Variants in EPG5 observed in about 807,000 individuals in gnomAD.
EPG5 encodes ectopic P-granules 5 autophagy tethering factor, also known as ectopic P granules protein 5 homolog.
A neutral mutation model predicts 302.7 loss-of-function variants in EPG5; 159 were observed. The observed-to-expected ratio is 0.53, with a 90% CI of 0.46 to 0.60. The LOEUF is 0.60. Ranked by LOEUF, EPG5 falls within the 20% of genes least tolerant of loss-of-function variation. The pLI is 0.00. For synonymous variants in EPG5, 1,158 were observed against 1,136.8 expected, an observed-to-expected ratio of 1.02 and a Z score of -0.37; for missense variants, 2,896 against 3,092.4, an observed-to-expected ratio of 0.94 and a Z score of 1.51.
chr18:45,903,943 T>C (rs371127839), intron 25 of EPG5, 30 bp downstream of exon 25: 1 of 1,579,096 alleles, frequency 6.3e-7, no homozygotes, highest in Non-Finnish European at 8.6e-7. Flanking sequence ...CATTCACTCA[T>C]TCGAAGGGGC....
chr18:45,823,965 T>C, the EPG5 span, among the ~76,000 whole-genome samples: 5,232 of 152,174 alleles, frequency 0.034, 307 homozygotes, highest in African/African-American at 0.12. Flanking sequence ...AGGAGAGGAA[T>C]GATAAACAAG....
chr18:45,950,616 A>C (rs181294905), intron 4 of EPG5, among the ~76,000 whole-genome samples: 1 of 152,308 alleles, frequency 6.6e-6, no homozygotes. Context: ...AAAAAGGACT[A>C]ATACATTTGG....
chr18:45,933,900 T>C (rs2050457239), intron 11 of EPG5, among the ~76,000 whole-genome samples: 1 of 152,158 alleles, frequency 6.6e-6, no homozygotes, highest in African/African-American at 2.4e-5. Context: ...GTAAATTGTC[T>C]ATCTTTTTTA....
At chr18:45,843,448 A>C (rs1367301528), downstream of EPG5, 2 of 152,272 alleles carry the variant, frequency 1.3e-5, no homozygotes, top group Non-Finnish European at 2.9e-5. Context: ...ATCTCACCCC[A>C]GTTACAATGG....
At chr18:45,819,854 C>A in the EPG5 span, among the ~76,000 whole-genome samples, 16 of 152,172 alleles carry the variant, frequency 1.1e-4, no homozygotes, top group Non-Finnish European at 1.9e-4. Flanking sequence ...AAAGATCATG[C>A]TGCATTTTCC....
chr18:45,879,287 G>T, intron 32 of EPG5, 73 bp from the exon 33 acceptor site: 1 of 1,066,170 alleles, frequency 9.4e-7, no homozygotes, highest in Admixed American at 2.1e-5. Flanking sequence ...ACACTGTGAT[G>T]GGGGTGTATA....
At chr18:45,859,358 T>C (rs983152277) in intron 40 of EPG5, among the ~76,000 whole-genome samples, 1 of 152,178 alleles carries the variant, frequency 6.6e-6, no homozygotes, top group Non-Finnish European at 1.5e-5. Context: ...CATGGTGACA[T>C]GCACACCACC....
chr18:45,905,253 T>C (rs1398428420), intron 24 of EPG5, among the ~76,000 whole-genome samples: 2 of 152,202 alleles, frequency 1.3e-5, no homozygotes, highest in Admixed American at 6.5e-5. Context: ...TAATAGCAAG[T>C]GAGCAAACAG....
chr18:45,912,754 G>A (rs1018657114), intron 21 of EPG5, among the ~76,000 whole-genome samples: 7 of 152,096 alleles, frequency 4.6e-5, no homozygotes, highest in Non-Finnish European at 8.8e-5. Flanking sequence ...ATTCCTTGGC[G>A]AATACAACGT....
the EPG5 span, chr18:45,840,117 G>C: frequency 4.2e-6 from 6 of 1,417,558 alleles, no homozygotes; most frequent in South Asian, 2.5e-5. Context: ...TGGTTTCCTC[G>C]AGACCCCTTC....
Position 45,967,262 on chromosome 18 carries a change from C to G in EPG5, c.-23G>C. 1 of 1,573,398 alleles carries G rather than the reference C, an allele frequency of 6.4e-7. No individual in the cohort carries two copies. The highest frequency in any genetic ancestry group is 1.2e-5 in the South Asian group (1 of 85,920). ...CATAGACCCTTCCGCGGCGCCGTCACCGTTTGTTTTTGTCAAACCCCTGCG... is the reference window on the plus strand; with the variant it reads ...CATAGACCCTTCCGCGGCGCCGTCAGCGTTTGTTTTTGTCAAACCCCTGCG... On this transcript the variant is annotated 5_prime_UTR_variant, in exon 1 of 44. Coordinates refer to ENST00000282041, the MANE Select transcript of EPG5 (RefSeq NM_020964.3).
the EPG5 span, among the ~76,000 whole-genome samples, chr18:45,831,830 C>T: frequency 5.3e-5 from 8 of 151,992 alleles, no homozygotes; most frequent in Admixed American, 2.0e-4. Context: ...CTCCGCCTCC[C>T]GGGTTCAAGC....
At chr18:45,914,850 G>C (rs549908114) in intron 20 of EPG5, among the ~76,000 whole-genome samples, 1 of 152,258 alleles carries the variant, frequency 6.6e-6, no homozygotes, top group South Asian at 2.1e-4. Context: ...AGACACAGTA[G>C]TGTGCCTGTA....
At chr18:45,941,173 C>A (rs899523151) in intron 9 of EPG5, among the ~76,000 whole-genome samples, 1 of 152,254 alleles carries the variant, frequency 6.6e-6, no homozygotes, top group South Asian at 2.1e-4. Context: ...ATGAAACAAC[C>A]AAGGAGGCAG....
At chr18:45,860,980 A>G (rs2048622859) in intron 39 of EPG5, among the ~76,000 whole-genome samples, 1 of 152,232 alleles carries the variant, frequency 6.6e-6, no homozygotes, top group Admixed American at 6.5e-5. Flanking sequence ...TTACAAGAGA[A>G]CTGCAAATCT....
At chr18:45,854,811 T>C (rs559466352) in intron 43 of EPG5, among the ~76,000 whole-genome samples, 2 of 152,314 alleles carry the variant, frequency 1.3e-5, no homozygotes, top group African/African-American at 4.8e-5. Context: ...CAGTGAGATA[T>C]GATCACACCA....
chr18:45,894,816 C>T (rs759650802), intron 27 of EPG5, among the ~76,000 whole-genome samples: 8 of 152,130 alleles, frequency 5.3e-5, no homozygotes, highest in Admixed American at 1.3e-4. Context: ...ATAAATGATG[C>T]TGCTAGAAAA....
chr18:45,854,545 C>T (rs995526435), intron 43 of EPG5, among the ~76,000 whole-genome samples: 5 of 152,076 alleles, frequency 3.3e-5, no homozygotes, highest in African/African-American at 1.2e-4. Context: ...TCTCTCTTTC[C>T]TCATCCAAAA....
intron 40 of EPG5, 28 bp from the exon 41 acceptor site, chr18:45,858,810 A>C: frequency 6.6e-7 from 1 of 1,514,876 alleles, no homozygotes; most frequent in East Asian, 2.3e-5. Flanking sequence ...AGACATCAAG[A>C]TATAGGCAAG....
Sources: allele counts gnomAD v4.1 joint callset (sites outside exome capture counted in the v4.1 genomes callset), GRCh38; gene constraint gnomAD v4.1.1; transcripts MANE v1.5; gene names NCBI Gene and HGNC (gene_info 2026-07-23, HGNC 2026-07-21).